GAS5: variants seen among roughly 807,000 people sequenced by gnomAD.
GAS5 encodes growth arrest specific 5.
exon 2 of GAS5, chr1:173,866,794 C>T: frequency 1.3e-6 from 1 of 765,084 alleles, no homozygotes; most frequent in Non-Finnish European, 2.4e-6. Flanking sequence ...CTTGGGGACA[C>T]AACTAGAAAA....
intron 7 of GAS5, chr1:173,864,220 C>T (rs747982624): frequency 2.1e-5 from 11 of 517,494 alleles, no homozygotes; most frequent in East Asian, 1.6e-4. Context: ...ATCATGTATT[C>T]TGCAATTATA....
chr1:173,867,303 T>A (rs773617276), upstream of GAS5: 13 of 458,528 alleles, frequency 2.8e-5, no homozygotes, highest in Non-Finnish European at 1.2e-5. Context: ...GTGGATCACC[T>A]GAGGTCAGGA....
intron 6 of GAS5, chr1:173,865,082 C>T (rs1289928127): frequency 1.1e-5 from 4 of 348,118 alleles, no homozygotes; most frequent in Non-Finnish European, 2.2e-5. Flanking sequence ...GCCTGTAATC[C>T]CAGCTACTCA....
At chr1:173,867,164 T>C (rs1193002619), upstream of GAS5, 2 of 582,750 alleles carry the variant, frequency 3.4e-6, no homozygotes, top group Non-Finnish European at 3.0e-6. Context: ...CCATTCATTA[T>C]CTAGCGACAG....
Position 173,864,751 on chromosome 1 carries a change from G to T in GAS5, n.277-447C>A, listed in dbSNP as rs145068336. On this transcript the variant is annotated intron_variant and non_coding_transcript_variant, in intron 6 of 7. Transcript: ENST00000651080. ...CAGTAAGACAACTTGCATACAATTA[G>T]GAGTAATCCAAAATCTCCAAACATT... The T allele has an allele frequency of 1.6e-5, 8 of 510,890 alleles. 1 individual carries two copies. The highest frequency in any genetic ancestry group is 1.1e-4 in the South Asian group (8 of 70,632). 31.6% of individuals were successfully genotyped at this position (510,890 alleles called of 1,614,324 possible).
chr1:173,866,746 G>A (rs376296742), intron 2 of GAS5: 76 of 765,296 alleles, frequency 9.9e-5, no homozygotes, highest in African/African-American at 1.5e-4. Flanking sequence ...TTTTGAGAGG[G>A]AATTTTCAAC....
intron 6 of GAS5, chr1:173,864,363 T>C (rs780960079): frequency 2.5e-5 from 13 of 518,882 alleles, no homozygotes; most frequent in African/African-American, 2.3e-4. Context: ...TGCTTGTTAG[T>C]AGAGTAACCT....
chr1:173,866,165 A>C, intron 4 of GAS5: 2 of 467,208 alleles, frequency 4.3e-6, no homozygotes, highest in East Asian at 5.8e-5. Flanking sequence ...ACTTGGATAC[A>C]GTTTCACTTA....
At chr1:173,867,994 T>C (rs747326946), upstream of GAS5, 4 of 323,914 alleles carry the variant, frequency 1.2e-5, no homozygotes, top group South Asian at 9.7e-5. Flanking sequence ...GAAAAGACAG[T>C]ATGGTGCCTG....
upstream of GAS5, chr1:173,867,423 G>A: frequency 5.5e-6 from 2 of 361,158 alleles, no homozygotes; most frequent in South Asian, 4.4e-5. Flanking sequence ...GGCTGAGGCA[G>A]AACTGCTTAA....
intron 2 of GAS5, chr1:173,866,638 T>G (rs1305931978): frequency 1.3e-6 from 1 of 764,132 alleles, no homozygotes. Context: ...TTTGGGTGCC[T>G]CAGTTAAGAT....
intron 2 of GAS5, chr1:173,866,611 G>A (rs1654707635): frequency 1.0e-5 from 8 of 763,674 alleles, no homozygotes; most frequent in South Asian, 8.1e-5. Flanking sequence ...TACTCTCTAT[G>A]TTCCCCAACT....
intron 2 of GAS5, chr1:173,866,730 A>C: frequency 1.3e-6 from 1 of 765,512 alleles, no homozygotes; most frequent in Non-Finnish European, 2.4e-6. Flanking sequence ...CAATGGCTTT[A>C]AACCTTTTTG....
intron 5 of GAS5, chr1:173,865,672 TCAA>T (rs770397079): frequency 5.8e-6 from 3 of 519,112 alleles, no homozygotes; most frequent in African/African-American, 1.9e-5. Flanking sequence ...AGACATTTGA[TCAA>T]CATCATTACA....
At chr1:173,865,756 G>A (rs146717094) in intron 5 of GAS5, 13 of 518,998 alleles carry the variant, frequency 2.5e-5, no homozygotes, top group South Asian at 1.5e-4. Context: ...GGAAAATACA[G>A]TCAGTATTCA....
intron 4 of GAS5, chr1:173,865,939 A>T (rs1176872565): frequency 1.9e-6 from 1 of 519,008 alleles, no homozygotes; most frequent in Non-Finnish European, 3.8e-6. Flanking sequence ...ATGAGTGTTC[A>T]CCCCCTGCCA....
intron 1 of GAS5, chr1:173,866,837 C>T (rs367688201): frequency 2.2e-5 from 17 of 765,466 alleles, no homozygotes; most frequent in Middle Eastern, 4.5e-4. Context: ...TGAGAATGAA[C>T]CTCACAGCAG....
upstream of GAS5, chr1:173,867,798 A>AGG (rs944057000): frequency 3.9e-6 from 2 of 518,656 alleles, no homozygotes; most frequent in African/African-American, 3.9e-5. Flanking sequence ...GTCGCAGCTT[A>AGG]GGTCACGCAT....
At chr1:173,866,518 GGT>G (rs1285748989) in intron 3 of GAS5, 22 of 698,544 alleles carry the variant, frequency 3.1e-5, no homozygotes, top group Non-Finnish European at 5.5e-5. Flanking sequence ...ACAAAATAGA[GGT>G]GTCTCACCTG....
Sources: allele counts gnomAD v4.1 joint callset, GRCh38; gene constraint gnomAD v4.1.1; transcripts MANE v1.5; gene names NCBI Gene and HGNC (gene_info 2026-07-23, HGNC 2026-07-21).